ARHGEF17: variants seen among roughly 807,000 people sequenced by gnomAD.
The protein encoded by ARHGEF17 is 164 kDa Rho-specific guanine-nucleotide exchange factor.
In ARHGEF17, 80 loss-of-function variants were observed where a neutral mutation model predicts 174.0. The observed-to-expected ratio is 0.46, with a 90% confidence interval of 0.38 to 0.55. The LOEUF (loss-of-function observed/expected upper bound fraction) is 0.55. ARHGEF17 is among the 20% of genes least tolerant of loss of function. ARHGEF17 has a pLI of 0.00. For synonymous variants in ARHGEF17, 1,311 were observed against 1,189.1 expected (o/e 1.10, Z -2.11); for missense variants, 2,886 against 2,839.7 (o/e 1.02, Z -0.37).
intron 1 of ARHGEF17, among the ~76,000 whole-genome samples, chr11:73,331,176 A>T (rs1257966665): frequency 6.6e-6 from 1 of 152,144 alleles, no homozygotes; most frequent in African/African-American, 2.4e-5. Flanking sequence ...TTGCTGTGTG[A>T]CCTTGGATTG....
Position 73,309,759 on chromosome 11 carries a change from A to G in ARHGEF17, c.1121A>G (p.Lys374Arg), listed in dbSNP as rs779384507. The G allele has an allele frequency of 6.2e-7, 1 of 1,612,888 alleles. No homozygotes were observed. The highest frequency in any genetic ancestry group is 8.5e-7 in the Non-Finnish European group (1 of 1,179,882). ...DSVGGAFRVAKVSFPSYLASP... is the reference protein window; with the variant it reads ...DSVGGAFRVARVSFPSYLASP... ...GTGGGAGGAGCTTTCCGTGTGGCCA[A>G]GGTGAGCTTTCCCTCGTACCTGGCC... is the stretch of plus-strand genomic sequence containing the variant. The change falls in exon 1 of 21, where the codon AAG becomes AGG. Residue 374 changes from lysine (K) to arginine (R), a missense_variant. Transcript: ENST00000263674.
intron 20 of ARHGEF17, 60 bp from the exon 21 acceptor site, chr11:73,367,524 G>C: frequency 8.9e-6 from 13 of 1,453,552 alleles, no homozygotes; most frequent in Non-Finnish European, 1.2e-5. Context: ...TTCAGGCCCC[G>C]ATGGGACAGT....
At chr11:73,341,694 T>G (rs1471339499) in intron 1 of ARHGEF17, among the ~76,000 whole-genome samples, 1 of 152,160 alleles carries the variant, frequency 6.6e-6, no homozygotes, top group Non-Finnish European at 1.5e-5. Flanking sequence ...GGAGAGGGCA[T>G]GGTCAGTTTC....
rs369309654 is a variant in ARHGEF17, at chr11:73,356,727, C to A, written c.3859C>A (p.Arg1287=). The change falls in exon 7 of 21, where the codon CGG becomes AGG. Residue 1287 remains arginine (R), a synonymous_variant. Transcript: ENST00000263674. ...CCCACAGCTCCAGGCCCCTCTGCGG[C>A]GGTTCCTGAGACAGGAGATGGTCAT... is the stretch of plus-strand genomic sequence containing the variant. The part of the protein sequence containing the change: ...GMEDLQAPLR[R]FLRQEMVIEV... 1.5e-5 allele frequency: 25 copies of A among 1,614,060 alleles called. No homozygotes were observed. Among genetic ancestry groups the A allele is most frequent in the Non-Finnish European group, 2.0e-5 (24 of 1,180,040 alleles).
intron 1 of ARHGEF17, chr11:73,343,048 A>G (rs1236454243): frequency 1.4e-5 from 4 of 288,138 alleles, no homozygotes; most frequent in Non-Finnish European, 2.6e-5. Flanking sequence ...GCCCTTAGGG[A>G]GCGAGAGTGG....
intron 1 of ARHGEF17, among the ~76,000 whole-genome samples, chr11:73,331,086 G>A (rs1399722838): frequency 1.3e-5 from 2 of 152,158 alleles, no homozygotes; most frequent in African/African-American, 4.8e-5. Context: ...AGGCACCCTT[G>A]TCCTCTCCTT....
rs1391718545 is a variant in ARHGEF17, at chr11:73,362,696, G to A, written c.4958G>A (p.Ser1653Asn). 2 of 1,607,296 alleles carry A rather than the reference G, an allele frequency of 1.2e-6. No individual in the cohort carries two copies. Among genetic ancestry groups the A allele is most frequent in the South Asian group, 1.1e-5 (1 of 91,032 alleles). ...SSPSPSGTLQ[S>N]QASRSTISSS... ...CCCAGCCCCTCGGGGACGCTGCAGAGCCAGGCCAGCCGGTCCACCATCTCC... is the reference window on the plus strand; with the variant it reads ...CCCAGCCCCTCGGGGACGCTGCAGAACCAGGCCAGCCGGTCCACCATCTCC... The change falls in exon 14 of 21, where the codon AGC becomes AAC. Residue 1653 changes from serine (S) to asparagine (N), a missense_variant. By Grantham distance (46) the Ser-to-Asn change is conservative (BLOSUM62 1). Coordinates refer to ENST00000263674, the MANE Select transcript of ARHGEF17 (RefSeq NM_014786.4).
In ARHGEF17 at chr11:73,311,809, G is replaced by T. The variant is rs1171057275; in HGVS notation, c.3171G>T (p.Lys1057Asn). 6.2e-7 allele frequency: 1 copy of T among 1,604,562 alleles called. No individual in the cohort carries two copies. The highest frequency in any genetic ancestry group is 8.5e-7 in the Non-Finnish European group (1 of 1,173,398). The change falls in exon 1 of 21, where the codon AAG becomes AAT. Residue 1057 changes from lysine to asparagine, a missense_variant. This residue lies in a region of ARHGEF17 where 353 missense variants were observed against 470.3 expected (regional missense o/e 0.75). Coordinates refer to ENST00000263674, the MANE Select transcript of ARHGEF17 (RefSeq NM_014786.4). The part of the protein sequence containing the change: ...RPADEPTPAS[K>N]CCSKPQVDMR... ...CAGATGAGCCTACCCCTGCCAGCAA[G>T]TGCTGCAGCAAGCCACAGGTGGTGA... is the stretch of plus-strand genomic sequence containing the variant.
Position 73,360,305 on chromosome 11 carries a change from C to T in ARHGEF17, c.4207-15C>T. The stretch of plus-strand genomic sequence containing the variant: ...GAGATGCTGGGGCCTGAGGCCTGGG[C>T]CCTCTTCCCCACAGAGCCTGGACGA... On this transcript the variant is annotated splice_polypyrimidine_tract_variant and intron_variant, in intron 10 of 20. Transcript: ENST00000263674. The T allele has an allele frequency of 1.2e-6, 2 of 1,612,620 alleles. No homozygotes were observed. The highest frequency in any genetic ancestry group is 2.7e-5 in the African/African-American group (2 of 75,052).
In ARHGEF17 at chr11:73,311,788, T is replaced by C. The variant is rs113521648; in HGVS notation, c.3150T>C (p.Asp1050=). The change falls in exon 1 of 21, where the codon GAT becomes GAC. Residue 1050 remains aspartate, a synonymous_variant. Coordinates refer to ENST00000263674, the MANE Select transcript of ARHGEF17 (RefSeq NM_014786.4). ...CCCCTGAGGCAGCTCGGCCTGCAGATGAGCCTACCCCTGCCAGCAAGTGCT... is the reference window on the plus strand; with the variant it reads ...CCCCTGAGGCAGCTCGGCCTGCAGACGAGCCTACCCCTGCCAGCAAGTGCT... ...AKPPEAARPA[D]EPTPASKCCS... is the part of the protein sequence containing the mutation. 8.1e-6 allele frequency: 13 copies of C among 1,611,176 alleles called. No individual in the cohort carries two copies. The African/African-American group carries it at 1.3e-4, about 17-fold the overall frequency.
At chr11:73,359,777 C>T in intron 9 of ARHGEF17, 57 bp from the exon 10 acceptor site, 10 of 1,432,122 alleles carry the variant, frequency 7.0e-6, no homozygotes, top group East Asian at 2.4e-5. Context: ...GAGAGTCTGT[C>T]CCAGCCTGAC....
At chr11:73,357,611 A>G (rs1278090955) in intron 9 of ARHGEF17, among the ~76,000 whole-genome samples, 2 of 152,234 alleles carry the variant, frequency 1.3e-5, no homozygotes, top group African/African-American at 2.4e-5. Flanking sequence ...GTAATTAGCC[A>G]TTGATTCATC....
chr11:73,311,937 C>T, intron 1 of ARHGEF17, 107 bp downstream of exon 1: 3 of 1,325,140 alleles, frequency 2.3e-6, no homozygotes, highest in Non-Finnish European at 3.1e-6. Flanking sequence ...GCCCAGGTGC[C>T]AAGGGTGCTT....
intron 1 of ARHGEF17, 115 bp from the exon 2 acceptor site, chr11:73,346,768 G>A (rs1865467793): frequency 2.5e-6 from 2 of 798,150 alleles, no homozygotes; most frequent in Non-Finnish European, 3.6e-6. Flanking sequence ...CAGGAGGGAA[G>A]GGCCAGGAGG....
intron 14 of ARHGEF17, 70 bp from the exon 15 acceptor site, chr11:73,363,136 T>C: frequency 6.9e-7 from 1 of 1,456,876 alleles, no homozygotes; most frequent in Non-Finnish European, 9.1e-7. Context: ...GAGGGATGCA[T>C]GGCCTAGAAA....
Position 73,308,528 on chromosome 11 carries a change from C to G in ARHGEF17, c.-111C>G. 1 of 981,550 alleles carries G rather than the reference C, an allele frequency of 1.0e-6. No homozygotes were observed. The highest frequency in any genetic ancestry group is 1.4e-6 in the Non-Finnish European group (1 of 727,476). 60.8% of individuals were successfully genotyped at this position (981,550 alleles called of 1,614,324 possible). On this transcript the variant is annotated 5_prime_UTR_variant, in exon 1 of 21. Coordinates refer to ENST00000263674, the MANE Select transcript of ARHGEF17 (RefSeq NM_014786.4). ...CCGGTCTCTGCGTCCTCTTCCCACA[C>G]TCCCGTGCGCTGCTTTCGGCGTGGG... is the stretch of plus-strand genomic sequence containing the variant.
rs1182570730 is a variant in ARHGEF17 at position 73,356,538 on chromosome 11, G to A, written c.3841-171G>A. Reference sequence around the variant, plus strand: ...TCCACCTGTCTGTTCTTCCACGTCTGTCTCTGACCTTGGGTCCTGTGGCCT... The same window carrying A: ...TCCACCTGTCTGTTCTTCCACGTCTATCTCTGACCTTGGGTCCTGTGGCCT... On this transcript the variant is annotated intron_variant, in intron 6 of 20. Transcript: ENST00000263674. The A allele has an allele frequency of 4.4e-6, 5 of 1,128,126 alleles. 1 individual carries two copies. In the African/African-American group the frequency reaches 4.6e-5, roughly 10 times the overall value. The allele number at this position is 1,128,126 out of a possible 1,614,324, so 69.9% of individuals were successfully genotyped here.
chr11:73,309,224 A>T lies in ARHGEF17; in HGVS notation c.586A>T (p.Arg196Trp). 2.5e-6 allele frequency: 4 copies of T among 1,601,134 alleles called. No homozygotes were observed. The highest frequency in any genetic ancestry group is 3.4e-6 in the Non-Finnish European group (4 of 1,173,952). Residue 196 changes from arginine (R) to tryptophan (W), a missense_variant, in exon 1 of 21, where the codon AGG (arginine) becomes TGG (tryptophan). Physicochemically the swap from Arg to Trp is moderately radical, Grantham distance 101. Transcript: ENST00000263674. ...CCTGACCGGGCCGGAGACCGAAGGG[A>T]GGCTGCGCCGGCCGCAGCAGCAACA... is the stretch of plus-strand genomic sequence containing the variant. ...RPLTGPETEG[R>W]LRRPQQQQER...
chr11:73,345,259 C>T (rs931202597), intron 1 of ARHGEF17, among the ~76,000 whole-genome samples: 5 of 152,034 alleles, frequency 3.3e-5, no homozygotes, highest in African/African-American at 9.7e-5. Flanking sequence ...CTGCTGTTTC[C>T]GGAGGCCCTG....
Sources: gnomAD v4.1 joint callset for allele counts (sites outside exome capture counted in the v4.1 genomes callset) on GRCh38, gnomAD v4.1.1 for gene constraint, gnomAD v4.1.1 regional missense constraint, MANE v1.5 for transcripts, NCBI Gene and HGNC (gene_info 2026-07-23, HGNC 2026-07-21) for gene names.